The following LIMCH1 variants were observed in gnomAD, a reference collection of about 807,000 sequenced individuals.
LIMCH1 encodes LIM and calponin homology domains 1, also known as LIM and calponin homology domains-containing protein 1.
LIMCH1 carries 113 observed loss-of-function variants against 176.5 expected under a neutral mutation model. The observed-to-expected ratio is 0.64, with a 90% CI of 0.55 to 0.75. The LOEUF (loss-of-function observed/expected upper bound fraction) is 0.75. Ranked by LOEUF, LIMCH1 falls within the 30% of genes least tolerant of loss-of-function variation. The probability of loss-of-function intolerance (pLI) is 0.00; values close to 1 mark genes in which losing one functional copy is unlikely to be tolerated. For synonymous variants in LIMCH1, 619 were observed against 645.9 expected (o/e 0.96, Z 0.63); for missense variants, 1,674 against 1,814.9 (o/e 0.92, Z 1.41).
chr4:41,528,365 AGG>A (rs1234268796), intron 3 of LIMCH1, among the ~76,000 whole-genome samples: 1 of 152,194 alleles, frequency 6.6e-6, no homozygotes, highest in Non-Finnish European at 1.5e-5. Context: ...TAAAAAGTTG[AGG>A]ATTAAAATAC....
chr4:41,431,838 T>C (rs1266438867), intron 1 of LIMCH1, among the ~76,000 whole-genome samples: 1 of 152,228 alleles, frequency 6.6e-6, no homozygotes, highest in African/African-American at 2.4e-5. Context: ...GATTAAGGGC[T>C]GAGGGGATTG....
intron 1 of LIMCH1, among the ~76,000 whole-genome samples, chr4:41,592,269 A>C (rs763740969): frequency 6.6e-6 from 1 of 152,216 alleles, no homozygotes; most frequent in Non-Finnish European, 1.5e-5. Flanking sequence ...TGGATGAAAT[A>C]AGCTTTTCTG....
intron 1 of LIMCH1, among the ~76,000 whole-genome samples, chr4:41,576,963 G>C (rs138660906): frequency 6.6e-6 from 1 of 152,102 alleles, no homozygotes; most frequent in Non-Finnish European, 1.5e-5. Context: ...GCATCTGAGC[G>C]TTCTGCATGT....
chr4:41,640,693 CTT>C (rs1466637569), intron 14 of LIMCH1, among the ~76,000 whole-genome samples: 1 of 152,114 alleles, frequency 6.6e-6, no homozygotes, highest in African/African-American at 2.4e-5. Flanking sequence ...AAAATAGAAA[CTT>C]ATACTATTTT....
chr4:41,429,847 C>T (rs1381398975), intron 1 of LIMCH1, among the ~76,000 whole-genome samples: 1 of 148,132 alleles, frequency 6.8e-6, no homozygotes, highest in African/African-American at 2.5e-5. Flanking sequence ...TGATAGATAT[C>T]CCCCTGTCAC....
chr4:41,472,851 A>G (rs1442829026), intron 1 of LIMCH1, among the ~76,000 whole-genome samples: 1 of 152,136 alleles, frequency 6.6e-6, no homozygotes, highest in Admixed American at 6.5e-5. Flanking sequence ...AAACAAAACA[A>G]AACTTTTTTT....
chr4:41,518,353 C>T (rs752257183), intron 2 of LIMCH1, among the ~76,000 whole-genome samples: 54 of 152,136 alleles, frequency 3.5e-4, no homozygotes, highest in Non-Finnish European at 4.4e-5. Context: ...AACAGAACCT[C>T]TCTCTTCCAG....
chr4:41,530,826 T>C, intron 3 of LIMCH1, among the ~76,000 whole-genome samples: 1 of 130,114 alleles, frequency 7.7e-6, no homozygotes, highest in South Asian at 2.6e-4. Flanking sequence ...AAAATTTTTT[T>C]TTTTTTTTTT....
intron 1 of LIMCH1, among the ~76,000 whole-genome samples, chr4:41,461,877 G>A (rs6827847): frequency 1.3e-5 from 2 of 152,166 alleles, no homozygotes; most frequent in South Asian, 2.1e-4. Context: ...AAGTAAGAGC[G>A]TAATGAAATG....
At chr4:41,605,737 T>C (rs11943304) in intron 3 of LIMCH1, among the ~76,000 whole-genome samples, 157 bp from the exon 4 acceptor site, 83,577 of 152,146 alleles carry the variant, frequency 0.55, 27,830 homozygotes, top group East Asian at 0.72. Flanking sequence ...TTAAAGTGAT[T>C]TTACATTTAA....
chr4:41,542,116 A>G (rs2152477999), intron 1 of LIMCH1, among the ~76,000 whole-genome samples: 1 of 152,030 alleles, frequency 6.6e-6, no homozygotes, highest in East Asian at 1.9e-4. Context: ...CCCTCATTAC[A>G]CATCCTGGGA....
chr4:41,445,522 G>C (rs2063196447), intron 1 of LIMCH1, among the ~76,000 whole-genome samples: 1 of 152,068 alleles, frequency 6.6e-6, no homozygotes, highest in African/African-American at 2.4e-5. Flanking sequence ...CAAATTTTTT[G>C]GCAATGAAAA....
At chr4:41,553,973 G>T (rs778135682) in intron 1 of LIMCH1, among the ~76,000 whole-genome samples, 1 of 152,172 alleles carries the variant, frequency 6.6e-6, no homozygotes, top group Non-Finnish European at 1.5e-5. Flanking sequence ...AGCAAGTCAG[G>T]TTCAGGAGAA....
intron 3 of LIMCH1, chr4:41,604,288 A>G (rs1030123054): frequency 6.0e-6 from 5 of 836,762 alleles, no homozygotes; most frequent in African/African-American, 1.8e-5. Flanking sequence ...GATCTGCACA[A>G]TATGAATAGT....
At chr4:41,443,606 A>G (rs2062950508) in intron 1 of LIMCH1, among the ~76,000 whole-genome samples, 1 of 152,188 alleles carries the variant, frequency 6.6e-6, no homozygotes, top group Non-Finnish European at 1.5e-5. Flanking sequence ...CAAAAGTACC[A>G]TTTCCTAGGA....
At chr4:41,374,126 A>T (rs569176789) in intron 1 of LIMCH1, among the ~76,000 whole-genome samples, 1 of 152,240 alleles carries the variant, frequency 6.6e-6, no homozygotes, top group East Asian at 1.9e-4. Flanking sequence ...GAACAGACTA[A>T]TACAGGGTGC....
intron 2 of LIMCH1, among the ~76,000 whole-genome samples, chr4:41,505,860 C>G (rs2074082277): frequency 6.6e-6 from 1 of 151,314 alleles, no homozygotes; most frequent in Non-Finnish European, 1.5e-5. Context: ...GCCACCTGAT[C>G]ATCAATGACT....
chr4:41,607,466 C>T (rs1213545681), intron 4 of LIMCH1, among the ~76,000 whole-genome samples: 1 of 152,222 alleles, frequency 6.6e-6, no homozygotes, highest in Admixed American at 6.5e-5. Flanking sequence ...TTCTCAGTCT[C>T]ACCTCTTATT....
At chr4:41,478,642 C>T (rs927653998) in intron 1 of LIMCH1, among the ~76,000 whole-genome samples, 15 of 152,210 alleles carry the variant, frequency 9.9e-5, no homozygotes, top group Admixed American at 5.2e-4. Context: ...GACAGCTCTA[C>T]AACTGTTACA....
Sources: allele counts gnomAD v4.1 joint callset (sites outside exome capture counted in the v4.1 genomes callset), GRCh38; gene constraint gnomAD v4.1.1; transcripts MANE v1.5; gene names NCBI Gene and HGNC (gene_info 2026-07-23, HGNC 2026-07-21).